Variants in ADGRL1 observed in about 807,000 individuals in gnomAD.
ADGRL1 encodes the protein adhesion G protein-coupled receptor L1.
ADGRL1 carries 31 observed loss-of-function variants against 148.9 expected under a neutral mutation model. The observed-to-expected ratio is 0.21, with a 90% confidence interval of 0.16 to 0.28. ADGRL1 has a LOEUF of 0.28. ADGRL1 is among the 10% of genes least tolerant of loss of function. ADGRL1 has a pLI of 1.00. For missense variants in ADGRL1, 1,521 were observed against 2,058.8 expected (o/e 0.74, Z 5.05); for synonymous variants, 937 against 900.3 (o/e 1.04, Z -0.73).
chr19:14,201,179 G>A (rs1014729898), intron 1 of ADGRL1, among the ~76,000 whole-genome samples: 13 of 152,066 alleles, frequency 8.5e-5, no homozygotes, highest in East Asian at 3.9e-4. Flanking sequence ...AGCCAGCCCC[G>A]GACCCCTCAC....
chr19:14,153,963 A>G (rs1445264939), intron 18 of ADGRL1, among the ~76,000 whole-genome samples: 1 of 151,800 alleles, frequency 6.6e-6, no homozygotes, highest in Non-Finnish European at 1.5e-5. Context: ...GATAATAAAA[A>G]AAAAACCTAA....
Position 14,156,758 on chromosome 19 carries a change from A to G in ADGRL1, c.2967-34T>C, listed in dbSNP as rs749610527. 2.3e-5 allele frequency: 36 copies of G among 1,584,674 alleles called. 1 individual carries two copies. In the South Asian group the frequency reaches 3.9e-4, roughly 17 times the overall value. ...GAAACAGGGCCGGGGTATAGAGAGA[A>G]GCCGAGGAGCCATTCCCAGCGACTC... On this transcript the variant is annotated intron_variant, in intron 15 of 22. Transcript: ENST00000361434.
intron 1 of ADGRL1, among the ~76,000 whole-genome samples, chr19:14,187,501 C>G (rs941087756): frequency 1.3e-5 from 2 of 151,682 alleles, no homozygotes; most frequent in African/African-American, 4.8e-5. Context: ...GCTCTCTGCC[C>G]GCTTCCCCTC....
chr19:14,189,063 T>C (rs1247714762), intron 1 of ADGRL1, among the ~76,000 whole-genome samples: 7 of 152,204 alleles, frequency 4.6e-5, no homozygotes, highest in Non-Finnish European at 7.4e-5. Flanking sequence ...CCAAAACTTT[T>C]TTATCACCCC....
chr19:14,204,265 G>A (rs1972809806), intron 1 of ADGRL1, among the ~76,000 whole-genome samples: 1 of 152,134 alleles, frequency 6.6e-6, no homozygotes, highest in South Asian at 2.1e-4. Flanking sequence ...TGGCATTAGT[G>A]GGAGGGGAGC....
intron 1 of ADGRL1, among the ~76,000 whole-genome samples, chr19:14,197,133 A>AT: frequency 6.6e-6 from 1 of 152,206 alleles, no homozygotes; most frequent in Non-Finnish European, 1.5e-5. Flanking sequence ...TTAGCCAGGC[A>AT]TGGTGGCACA....
chr19:14,183,210 AGAGAGAGC>A (rs1160561799), intron 2 of ADGRL1, among the ~76,000 whole-genome samples: 1 of 150,072 alleles, frequency 6.7e-6, no homozygotes, highest in Non-Finnish European at 1.5e-5. Context: ...AGAGAGAGAG[AGAGAGAGC>A]GAGAGAGAGA....
In ADGRL1 at chr19:14,161,816, T is replaced by C. The variant is rs546266406; in HGVS notation, c.1196-190A>G. On this transcript the variant is annotated intron_variant, in intron 5 of 22. Transcript: ENST00000361434. This position sits in a 1 kb window ranked among gnomAD's most constrained non-coding sequence, Gnocchi z 4.4. ...TGCCCACCAAAGTCCCTTATGCCCATGGGCCCATATAAAGTAGCAAAGAGT... is the reference window on the plus strand; with the variant it reads ...TGCCCACCAAAGTCCCTTATGCCCACGGGCCCATATAAAGTAGCAAAGAGT... 1.3e-5 allele frequency among the ~76,000 whole-genome samples: 2 copies of C among 152,200 alleles called. No individual in the cohort carries two copies. Among genetic ancestry groups the C allele is most frequent in the South Asian group, 4.2e-4 (2 of 4,818 alleles).
At chr19:14,163,578 G>C (rs1051349932) in intron 4 of ADGRL1, among the ~76,000 whole-genome samples, 172 bp from the exon 5 acceptor site, 4 of 152,012 alleles carry the variant, frequency 2.6e-5, no homozygotes, top group Non-Finnish European at 5.9e-5. Flanking sequence ...CGGTTGCTTG[G>C]TATGGCTGGT....
chr19:14,151,511 C>A lies in ADGRL1; in HGVS notation c.3772G>T (p.Asp1258Tyr). 1 of 1,610,812 alleles carries A rather than the reference C, an allele frequency of 6.2e-7. No individual in the cohort carries two copies. Among genetic ancestry groups the A allele is most frequent in the Non-Finnish European group, 8.5e-7 (1 of 1,178,806 alleles). ...SLRSGDFPPG[D>Y]GGPEPPRGRN... ...CCTCGGGGCGGCTCAGGGCCCCCAT[C>A]CCCGGGAGGGAAATCCCCACTTCGC... The change falls in exon 23 of 23, where the codon GAT (aspartate) becomes TAT (tyrosine). Residue 1258 changes from aspartate (D) to tyrosine (Y), a missense_variant. Physicochemically the swap from Asp to Tyr is radical, Grantham distance 160. Coordinates refer to ENST00000361434, the MANE Select transcript of ADGRL1 (RefSeq NM_014921.5).
At position 14,162,596 on chromosome 19, in the gene ADGRL1, T is replaced by G; in HGVS notation, c.1195+10A>C. On this transcript the variant is annotated intron_variant, in intron 5 of 22. Transcript: ENST00000361434. The surrounding 1 kb of genome is among the most constrained non-coding windows in gnomAD (Gnocchi z 5.4). ...AGCAGGCTCCATGCCTGGAAGTGAG[T>G]CGTCCTCACCAGCACTGGGGTCGGG... 1 of 1,590,182 alleles carries G rather than the reference T, an allele frequency of 6.3e-7. No homozygotes were observed. Among genetic ancestry groups the G allele is most frequent in the Non-Finnish European group, 8.6e-7 (1 of 1,164,734 alleles).
intron 1 of ADGRL1, among the ~76,000 whole-genome samples, chr19:14,187,664 CCCG>C (rs1416387265): frequency 6.6e-6 from 1 of 151,504 alleles, no homozygotes; most frequent in African/African-American, 2.4e-5. Context: ...AGCGTGTTAC[CCCG>C]CCGCCGCCAC....
At chr19:14,205,509 G>C (rs1446037140) in intron 1 of ADGRL1, among the ~76,000 whole-genome samples, 1 of 151,702 alleles carries the variant, frequency 6.6e-6, no homozygotes, top group South Asian at 2.1e-4. Context: ...CGGCTCCTCT[G>C]GGGCGCGGGG....
At position 14,162,611 on chromosome 19, in the gene ADGRL1, C is replaced by A. The variant is rs376752777; in HGVS notation, c.1190G>T (p.Ser397Ile). The A allele has an allele frequency of 1.2e-6, 2 of 1,604,158 alleles. No individual in the cohort carries two copies. Among genetic ancestry groups the A allele is most frequent in the African/African-American group, 2.7e-5 (2 of 74,834 alleles). The change falls in exon 5 of 23, where the codon AGT (serine) becomes ATT (isoleucine). Residue 397 changes from serine to isoleucine, a missense_variant. Ser to Ile is a moderately radical substitution (Grantham distance 142). This residue lies in a region of ADGRL1 where 270 missense variants were observed against 320.4 expected (regional missense o/e 0.84). Coordinates refer to ENST00000361434, the MANE Select transcript of ADGRL1 (RefSeq NM_014921.5). This position sits in a 1 kb window ranked among gnomAD's most constrained non-coding sequence, Gnocchi z 5.4. ...TGGAAGTGAGTCGTCCTCACCAGCA[C>A]TGGGGTCGGGCGGCCCGAACTCCAG... is the stretch of plus-strand genomic sequence containing the variant. ...YSLEFGPPDP[S>I]AGPATSPPLS...
chr19:14,177,618 G>A lies in ADGRL1; in HGVS notation c.197C>T (p.Thr66Met), dbSNP rs775595539. 1.2e-5 allele frequency: 19 copies of A among 1,614,058 alleles called. No homozygotes were observed. The highest frequency in any genetic ancestry group is 6.7e-5 in the African/African-American group (5 of 74,920). Residue 66 changes from threonine to methionine, a missense_variant, in exon 3 of 23, where the codon ACG (threonine) becomes ATG (methionine). This residue lies in a region of ADGRL1 where 334 missense variants were observed against 512.5 expected (regional missense o/e 0.65). Coordinates refer to ENST00000361434, the MANE Select transcript of ADGRL1 (RefSeq NM_014921.5). Reference protein sequence around the residue: ...IMVENANYGRTDDKICDADPF... With the variant: ...IMVENANYGRMDDKICDADPF... Reference sequence around the variant, plus strand: ...GTCAGCATCGCAAATCTTGTCGTCCGTGCGCCCGTAGTTGGCATTCTCCAC... The same window carrying A: ...GTCAGCATCGCAAATCTTGTCGTCCATGCGCCCGTAGTTGGCATTCTCCAC...
At chr19:14,180,055 A>C (rs1459542478) in intron 2 of ADGRL1, among the ~76,000 whole-genome samples, 1 of 152,176 alleles carries the variant, frequency 6.6e-6, no homozygotes, top group Non-Finnish European at 1.5e-5. Context: ...TATCAGGGCT[A>C]CAGAGTACAG....
At chr19:14,171,441 C>CTT (rs1970461810) in intron 3 of ADGRL1, among the ~76,000 whole-genome samples, 4 of 152,186 alleles carry the variant, frequency 2.6e-5, no homozygotes, top group African/African-American at 9.7e-5. Context: ...GAGTCACCCG[C>CTT]TAAACAGTGC....
chr19:14,163,311 G>C lies in ADGRL1; in HGVS notation c.490C>G (p.Gln164Glu). 6.2e-7 allele frequency: 1 copy of C among 1,613,346 alleles called. No homozygotes were observed. The highest frequency in any genetic ancestry group is 1.1e-5 in the South Asian group (1 of 91,068). The stretch of plus-strand genomic sequence containing the variant: ...ATCACGTAGATGCGGTCACCCGCCT[G>C]CAGCGGGTCCTTGCACCATGCGCCA... ...QSGAWCKDPLQAGDRIYVMPW... is the reference protein window; with the variant it reads ...QSGAWCKDPLEAGDRIYVMPW... Residue 164 changes from glutamine (Q) to glutamate (E), a missense_variant, in exon 5 of 23, where the codon CAG becomes GAG. By Grantham distance (29) the Gln-to-Glu change is conservative. Coordinates refer to ENST00000361434, the MANE Select transcript of ADGRL1 (RefSeq NM_014921.5).
chr19:14,161,331 G>A lies in ADGRL1; in HGVS notation c.1491C>T (p.Pro497=), dbSNP rs1262327831. ...ATQQGMLVER[P]CPKGTRGIAS... is the part of the protein sequence containing the mutation. ...ACTCACCTCGAGTCCCCTTGGGGCA[G>A]GGCCTCTCCACCAGCATGCCCTGCT... The change falls in exon 6 of 23, where the codon CCC becomes CCT. Residue 497 remains proline, a synonymous_variant. Coordinates refer to ENST00000361434, the MANE Select transcript of ADGRL1 (RefSeq NM_014921.5). This position sits in a 1 kb window ranked among gnomAD's most constrained non-coding sequence, Gnocchi z 4.4. 1.9e-6 allele frequency: 3 copies of A among 1,592,220 alleles called. No homozygotes were observed. The highest frequency in any genetic ancestry group is 1.7e-6 in the Non-Finnish European group (2 of 1,171,522).
Sources: allele counts gnomAD v4.1 joint callset (sites outside exome capture counted in the v4.1 genomes callset), GRCh38; gene constraint gnomAD v4.1.1; regional missense constraint gnomAD v4.1.1; non-coding constraint Gnocchi (gnomAD v3.1); transcripts MANE v1.5; gene names NCBI Gene and HGNC (gene_info 2026-07-23, HGNC 2026-07-21).